The following LONP2 variants were observed in gnomAD, a reference collection of about 807,000 sequenced individuals.
LONP2 encodes the protein lon peptidase 2, peroxisomal.
In LONP2, 60 loss-of-function variants were observed where a neutral mutation model predicts 85.6. The observed-to-expected ratio is 0.70, with a 90% CI of 0.57 to 0.87. LONP2 has a LOEUF of 0.87. Among genes scored for constraint, LONP2 ranks in the 40% least tolerant of loss-of-function variants. The pLI, the probability that LONP2 is intolerant of heterozygous loss-of-function variation, is 0.00. For missense variants in LONP2, 860 were observed against 1,063.5 expected (o/e 0.81, Z 2.66); for synonymous variants, 395 against 389.7 (o/e 1.01, Z -0.16).
chr16:48,362,609 T>A lies in LONP2; in HGVS notation c.*746T>A, dbSNP rs1960639160. 1 of 630,730 alleles carries A rather than the reference T, an allele frequency of 1.6e-6. No individual in the cohort carries two copies. The highest frequency in any genetic ancestry group is 1.8e-5 in the African/African-American group (1 of 54,148). The allele number at this position is 630,730 out of a possible 1,614,324, so 39.1% of individuals were successfully genotyped here. ...AAATAAAATTACACTGAATGTGCACTTTATTAGGATCTGTACACTGGATAA... is the reference window on the plus strand; with the variant it reads ...AAATAAAATTACACTGAATGTGCACATTATTAGGATCTGTACACTGGATAA... On this transcript the variant is annotated 3_prime_UTR_variant, in exon 5 of 5. Transcript: ENST00000565867. The surrounding 1 kb of genome is among the most constrained non-coding windows in gnomAD (Gnocchi z 4.2).
rs1218124267 is a variant in LONP2 at position 48,355,353 on chromosome 16, C to A, written c.*3551C>A. On this transcript the variant is annotated 3_prime_UTR_variant, in exon 15 of 15. Coordinates refer to ENST00000285737, the MANE Select transcript of LONP2 (RefSeq NM_031490.5). ...AACCAATTACCTCCTTTTTGCCCTT[C>A]GATTCCCTTCCACCATATGAGGACA... 2.6e-5 allele frequency: 4 copies of A among 152,190 alleles called. No individual in the cohort carries two copies. The highest frequency in any genetic ancestry group is 2.6e-4 in the Admixed American group (4 of 15,288). 9.4% of individuals were successfully genotyped at this position (152,190 alleles called of 1,614,324 possible). A position where few individuals can be genotyped will look rare whatever the true frequency, so the allele number is the denominator to read the frequency against.
Position 48,334,479 on chromosome 16 carries a change from CCTT to C in LONP2, c.1938+125_1938+127del. ...TTGGGGAAGGAATAGCCTTATTCGA[CCTT>C]CTTTTTGGGACGCAGGTTGTTGGTG... On this transcript the variant is annotated intron_variant, in intron 12 of 14. Coordinates refer to ENST00000285737, the MANE Select transcript of LONP2 (RefSeq NM_031490.5). 6.3e-6 allele frequency: 8 copies of C among 1,269,004 alleles called. No homozygotes were observed. In the South Asian group the frequency reaches 8.7e-5, roughly 14 times the overall value. The allele number at this position is 1,269,004 out of a possible 1,614,324, so 78.6% of individuals were successfully genotyped here. A position where few individuals can be genotyped will look rare whatever the true frequency, so the allele number is the denominator to read the frequency against.
intron 12 of LONP2, among the ~76,000 whole-genome samples, chr16:48,335,031 A>T (rs992235628): frequency 1.3e-5 from 2 of 152,180 alleles, no homozygotes; most frequent in Non-Finnish European, 2.9e-5. Context: ...GCTTATTGTG[A>T]TAATATGACT....
At position 48,298,460 on chromosome 16, in the gene LONP2, T is replaced by TAC. The variant is rs146027162; in HGVS notation, c.1535-1186_1535-1185dup. Among the ~76,000 whole-genome samples the TAC allele has an allele frequency of 3.0e-3, 453 of 150,910 alleles. 2 individuals carry two copies. The highest frequency in any genetic ancestry group is 8.5e-3 in the African/African-American group (350 of 41,144). ...ACATATGCACACATATATAAATACA[T>TAC]ACACACACACACACACATATATATA... is the stretch of plus-strand genomic sequence containing the variant. On this transcript the variant is annotated intron_variant, in intron 9 of 14. Transcript: ENST00000285737.
chr16:48,254,220 A>G (rs910226253), intron 2 of LONP2, among the ~76,000 whole-genome samples: 3 of 152,204 alleles, frequency 2.0e-5, no homozygotes, highest in Admixed American at 6.5e-5. Context: ...TCTTGGGCCT[A>G]TCTGTCTTGC....
chr16:48,287,707 A>T (rs1316166463), intron 8 of LONP2, among the ~76,000 whole-genome samples: 2 of 152,198 alleles, frequency 1.3e-5, no homozygotes, highest in African/African-American at 4.8e-5. Context: ...AGAGAAAGGG[A>T]TGAGTGTAAA....
intron 8 of LONP2, among the ~76,000 whole-genome samples, chr16:48,282,580 C>T (rs1384910954): frequency 6.6e-6 from 1 of 151,910 alleles, no homozygotes; most frequent in Non-Finnish European, 1.5e-5. Flanking sequence ...GATCTGTTAT[C>T]AGTGATCTTT....
At chr16:48,350,787 C>G (rs1285708792) in intron 14 of LONP2, among the ~76,000 whole-genome samples, 1 of 152,176 alleles carries the variant, frequency 6.6e-6, no homozygotes, top group African/African-American at 2.4e-5. Flanking sequence ...TGAAGGCTGA[C>G]AGGCTGGAGA....
chr16:48,341,362 GA>G (rs1191185910), intron 12 of LONP2, among the ~76,000 whole-genome samples: 3 of 152,116 alleles, frequency 2.0e-5, no homozygotes, highest in Non-Finnish European at 2.9e-5. Flanking sequence ...GAGGCCTCAG[GA>G]AACTTACAGC....
chr16:48,277,847 G>A (rs182204734), intron 8 of LONP2, among the ~76,000 whole-genome samples: 1 of 148,638 alleles, frequency 6.7e-6, no homozygotes, highest in Admixed American at 6.7e-5. Flanking sequence ...GCTTTTAGTT[G>A]ATTAACCCTA....
chr16:48,329,746 T>C (rs1959377330), intron 11 of LONP2, among the ~76,000 whole-genome samples: 1 of 152,232 alleles, frequency 6.6e-6, no homozygotes, highest in South Asian at 2.1e-4. Flanking sequence ...CAGTTTAACG[T>C]TGTTTTGAAA....
At chr16:48,308,594 T>A (rs540145971) in intron 11 of LONP2, among the ~76,000 whole-genome samples, 1 of 145,274 alleles carries the variant, frequency 6.9e-6, no homozygotes, top group Non-Finnish European at 1.5e-5. Context: ...GCCATTGCAC[T>A]CCAGTGTAGG....
Position 48,353,516 on chromosome 16 carries a change from A to AG in LONP2, c.*1714_*1715insG, listed in dbSNP as rs936991452. ...TGTCTCAAAAAAAAAAAAAAAAAAA[A>AG]AGATTGGGCCAAAATACTGTGATAA... On this transcript the variant is annotated 3_prime_UTR_variant, in exon 15 of 15. Transcript: ENST00000285737. 1.3e-5 allele frequency: 2 copies of AG among 153,310 alleles called. No homozygotes were observed. Among genetic ancestry groups the AG allele is most frequent in the Non-Finnish European group, 2.9e-5 (2 of 69,492 alleles). 9.5% of individuals were successfully genotyped at this position (153,310 alleles called of 1,614,324 possible).
At chr16:48,344,336 A>G (rs1355041253) in intron 12 of LONP2, 1 of 152,234 alleles carries the variant, frequency 6.6e-6, no homozygotes, top group Non-Finnish European at 1.5e-5. Context: ...CCTTGATCAC[A>G]GAGATTCCAG....
intron 8 of LONP2, among the ~76,000 whole-genome samples, chr16:48,285,891 T>C (rs1160133967): frequency 6.6e-6 from 1 of 152,156 alleles, no homozygotes; most frequent in African/African-American, 2.4e-5. Flanking sequence ...TCTCCAGAAC[T>C]TTTTCATCTT....
At chr16:48,296,525 C>G (rs997633442) in intron 9 of LONP2, among the ~76,000 whole-genome samples, 2 of 151,970 alleles carry the variant, frequency 1.3e-5, no homozygotes, top group Non-Finnish European at 2.9e-5. Context: ...GTCAGGAATT[C>G]GAGACCAGCC....
chr16:48,288,026 A>G (rs1293807042), intron 8 of LONP2, among the ~76,000 whole-genome samples: 3 of 151,998 alleles, frequency 2.0e-5, no homozygotes, highest in Admixed American at 6.5e-5. Flanking sequence ...TCTTCAGGTT[A>G]CTTCATTCAA....
At chr16:48,262,525 C>G (rs1031469934) in intron 5 of LONP2, among the ~76,000 whole-genome samples, 1 of 152,120 alleles carries the variant, frequency 6.6e-6, no homozygotes, top group African/African-American at 2.4e-5. Context: ...GAAAGCAGAG[C>G]AGAAGGGAAG....
At chr16:48,349,186 A>G (rs140534867) in intron 14 of LONP2, among the ~76,000 whole-genome samples, 3 of 142,244 alleles carry the variant, frequency 2.1e-5, no homozygotes, top group African/African-American at 8.6e-5. Flanking sequence ...GTATTAGTCT[A>G]CAACAGACTA....
Sources: gnomAD v4.1 joint callset for allele counts (sites outside exome capture counted in the v4.1 genomes callset) on GRCh38, gnomAD v4.1.1 for gene constraint, Gnocchi (gnomAD v3.1) non-coding constraint, MANE v1.5 for transcripts, NCBI Gene and HGNC (gene_info 2026-07-23, HGNC 2026-07-21) for gene names.